The following KIAA1217 variants were observed in gnomAD, a reference collection of about 807,000 sequenced individuals.
KIAA1217 encodes sickle tail protein homolog.
Under a neutral mutation model 163.9 loss-of-function variants are expected in KIAA1217, and 88 were observed. That is an observed-to-expected ratio of 0.54 (90% CI 0.45 to 0.64). The LOEUF (loss-of-function observed/expected upper bound fraction) is 0.64. Ranked by LOEUF, KIAA1217 falls within the 30% of genes least tolerant of loss-of-function variation. The pLI, the probability that KIAA1217 is intolerant of heterozygous loss-of-function variation, is 0.00. For missense variants in KIAA1217, 2,372 were observed against 2,475.0 expected, an observed-to-expected ratio of 0.96 and a Z score of 0.88; for synonymous variants, 903 against 923.1, an observed-to-expected ratio of 0.98 and a Z score of 0.39.
chr10:23,804,693 T>C (rs1222997671), intron 1 of KIAA1217, among the ~76,000 whole-genome samples: 1 of 152,198 alleles, frequency 6.6e-6, no homozygotes, highest in Non-Finnish European at 1.5e-5. Flanking sequence ...ATATATGCTT[T>C]ATACAGCATA....
rs115314132 is a variant in KIAA1217 at position 24,506,667 on chromosome 10, A to G, written c.2001+5122A>G. ...AATGTTTTCAGAAATTAAACAACAC[A>G]GGACCGTAATCCTTAGGAGAATGGG... On this transcript the variant is annotated intron_variant, in intron 9 of 20. Transcript: ENST00000376454. 4.9e-3 allele frequency among the ~76,000 whole-genome samples: 740 copies of G among 152,348 alleles called. 7 individuals are homozygous for G. Among genetic ancestry groups the G allele is most frequent in the African/African-American group, 0.017 (701 of 41,598 alleles).
intron 1 of KIAA1217, among the ~76,000 whole-genome samples, chr10:23,884,986 C>T (rs960318518): frequency 1.6e-4 from 25 of 151,892 alleles, no homozygotes; most frequent in African/African-American, 5.8e-4. Context: ...CACCTTTCCT[C>T]TTCTCCCATT....
chr10:24,085,402 C>A (rs116403066), intron 2 of KIAA1217, among the ~76,000 whole-genome samples: 3,973 of 152,246 alleles, frequency 0.026, 161 homozygotes, highest in African/African-American at 0.091. Context: ...AACGAATAAA[C>A]TGAGAATTGT....
At chr10:24,443,129 T>C (rs2060637975) in intron 5 of KIAA1217, among the ~76,000 whole-genome samples, 1 of 152,158 alleles carries the variant, frequency 6.6e-6, no homozygotes, top group African/African-American at 2.4e-5. Flanking sequence ...CAGGCTGGTC[T>C]CAAACTCCTG....
At chr10:23,813,873 G>A (rs1194460741) in intron 1 of KIAA1217, among the ~76,000 whole-genome samples, 5 of 152,078 alleles carry the variant, frequency 3.3e-5, no homozygotes, top group Non-Finnish European at 7.4e-5. Context: ...TATCAACACT[G>A]TGTTATTTTT....
intron 2 of KIAA1217, among the ~76,000 whole-genome samples, chr10:24,156,544 G>A (rs2064884178): frequency 2.0e-5 from 3 of 152,098 alleles, no homozygotes; most frequent in Admixed American, 2.0e-4. Flanking sequence ...AGGTAAGCCA[G>A]TTCCTAAAGG....
chr10:24,207,958 C>G (rs1486588088), upstream of KIAA1217, among the ~76,000 whole-genome samples: 1 of 152,182 alleles, frequency 6.6e-6, no homozygotes, highest in Non-Finnish European at 1.5e-5. Context: ...GCCCTGTAAA[C>G]TGGGGCAAAG....
At chr10:24,211,799 G>A (rs150097353) in intron 1 of KIAA1217, among the ~76,000 whole-genome samples, 114 of 151,900 alleles carry the variant, frequency 7.5e-4, no homozygotes, top group East Asian at 3.5e-3. Flanking sequence ...ATTAGCAGGC[G>A]GTGATAAGCC....
At chr10:23,773,321 T>C (rs1834874573) in intron 1 of KIAA1217, among the ~76,000 whole-genome samples, 1 of 151,946 alleles carries the variant, frequency 6.6e-6, no homozygotes, top group South Asian at 2.1e-4. Flanking sequence ...CATTGATCTA[T>C]ATCTCTGTTT....
At chr10:24,214,330 AGT>A (rs2068538402) in intron 1 of KIAA1217, among the ~76,000 whole-genome samples, 1 of 152,190 alleles carries the variant, frequency 6.6e-6, no homozygotes, top group South Asian at 2.1e-4. Flanking sequence ...GACACAGCAC[AGT>A]GTGATTTCTG....
chr10:24,262,455 G>A (rs756033738), intron 2 of KIAA1217, among the ~76,000 whole-genome samples: 6 of 151,698 alleles, frequency 4.0e-5, no homozygotes, highest in Non-Finnish European at 5.9e-5. Context: ...GTGAAACTCC[G>A]TGTCTACTAA....
intron 1 of KIAA1217, among the ~76,000 whole-genome samples, chr10:23,744,703 A>G (rs776255417): frequency 2.0e-5 from 3 of 152,214 alleles, no homozygotes; most frequent in Non-Finnish European, 4.4e-5. Context: ...TTTTGCAGAG[A>G]AACAGAACCA....
chr10:24,424,140 G>A (rs1156424151), intron 3 of KIAA1217, among the ~76,000 whole-genome samples: 1 of 151,904 alleles, frequency 6.6e-6, no homozygotes, highest in Non-Finnish European at 1.5e-5. Context: ...TTCTTTGCAA[G>A]GCAATTGTCA....
chr10:23,995,450 C>CTCTGTGTGTGTGTGTG (rs980015208), intron 1 of KIAA1217, among the ~76,000 whole-genome samples: 294 of 147,824 alleles, frequency 2.0e-3, no homozygotes, highest in African/African-American at 6.9e-3. Context: ...CAATTATGGC[C>CTCTGTGTGTGTGTGTG]TGTGTGTGTG....
Position 24,209,276 on chromosome 10 carries a change from C to T in KIAA1217, c.70+13C>T, listed in dbSNP as rs1033036436. 5 of 1,607,434 alleles carry T rather than the reference C, an allele frequency of 3.1e-6. No individual in the cohort carries two copies. Among genetic ancestry groups the T allele is most frequent in the Non-Finnish European group, 4.3e-6 (5 of 1,174,350 alleles). On this transcript the variant is annotated intron_variant, in intron 1 of 20. Transcript: ENST00000376454. ...AGACAGATGCAGGGTAAGTAACAGA[C>T]CCATTCAAAGATGGAGTTACAGGGA...
rs141318639 is a variant in KIAA1217 at position 23,743,610 on chromosome 10, C to T, written c.-321+48376C>T. ...AACAATTATAATTATGGAGCTCACA[C>T]GCTGCTATGTTGAGAGAAATGATCA... On this transcript the variant is annotated intron_variant, in intron 1 of 18. Transcript: ENST00000376462. Among the ~76,000 whole-genome samples the T allele has an allele frequency of 1.3e-3, 205 of 152,294 alleles. 2 individuals carry two copies. The highest frequency in any genetic ancestry group is 8.7e-3 in the East Asian group (45 of 5,180).
intron 9 of KIAA1217, among the ~76,000 whole-genome samples, chr10:24,504,875 C>A (rs750994017): frequency 1.3e-5 from 2 of 152,136 alleles, no homozygotes; most frequent in African/African-American, 2.4e-5. Flanking sequence ...ACAAGGGGAA[C>A]CTAAGCAGAA....
chr10:24,290,387 T>G (rs2132434264), intron 2 of KIAA1217, among the ~76,000 whole-genome samples: 1 of 151,976 alleles, frequency 6.6e-6, no homozygotes, highest in South Asian at 2.1e-4. Flanking sequence ...GATTTTAGGG[T>G]TTTGGAAAAG....
chr10:24,542,107 A>G (rs2075188946), intron 17 of KIAA1217, among the ~76,000 whole-genome samples: 1 of 152,202 alleles, frequency 6.6e-6, no homozygotes, highest in Admixed American at 6.5e-5. Context: ...TTCGTCCCCA[A>G]ATGCCAAACC....
Sources: allele counts gnomAD v4.1 joint callset (sites outside exome capture counted in the v4.1 genomes callset), GRCh38; gene constraint gnomAD v4.1.1; transcripts MANE v1.5; gene names NCBI Gene and HGNC (gene_info 2026-07-23, HGNC 2026-07-21).